PAX3: variants seen among roughly 807,000 people sequenced by gnomAD.
PAX3 encodes paired box protein Pax-3.
A neutral mutation model predicts 51.6 loss-of-function variants in PAX3; 14 were observed. That is an observed-to-expected ratio of 0.27 (90% confidence interval 0.18 to 0.42). The LOEUF is 0.42. PAX3 is among the 10% of genes least tolerant of loss of function. The pLI, the probability that PAX3 is intolerant of heterozygous loss-of-function variation, is 1.00. For missense variants in PAX3, 540 were observed against 642.8 expected (o/e 0.84, Z 1.73); for synonymous variants, 280 against 253.4 (o/e 1.11, Z -1.00).
chr2:222,230,567 T>C (rs188922655), intron 5 of PAX3, among the ~76,000 whole-genome samples: 1 of 151,960 alleles, frequency 6.6e-6, no homozygotes, highest in East Asian at 1.9e-4. Context: ...TATAATTTTT[T>C]AAAAAAAGGT....
intron 4 of PAX3, among the ~76,000 whole-genome samples, chr2:222,248,298 A>T (rs1189908120): frequency 6.6e-6 from 1 of 152,196 alleles, no homozygotes; most frequent in East Asian, 1.9e-4. Flanking sequence ...CCAGAATTTC[A>T]TGTGCTTGCC....
intron 4 of PAX3, among the ~76,000 whole-genome samples, chr2:222,240,970 GATTA>G (rs897496011): frequency 1.4e-4 from 21 of 152,232 alleles, no homozygotes; most frequent in African/African-American, 4.6e-4. Context: ...TAGGAAAACT[GATTA>G]ATTAATTAAT....
At chr2:222,232,403 A>G (rs1692631643) in intron 4 of PAX3, 120 bp from the exon 5 acceptor site, 1 of 814,096 alleles carries the variant, frequency 1.2e-6, no homozygotes, top group Non-Finnish European at 2.0e-6. Flanking sequence ...TACCTAAAGT[A>G]AAATAAATGT....
At chr2:222,293,921 G>A (rs1242810768) in intron 4 of PAX3, 2 of 1,438,420 alleles carry the variant, frequency 1.4e-6, no homozygotes, top group East Asian at 2.5e-5. Flanking sequence ...AGAATCCCAG[G>A]GGCTGAAAGT....
intron 4 of PAX3, among the ~76,000 whole-genome samples, chr2:222,249,635 C>CA (rs1483214649): frequency 2.0e-5 from 3 of 152,198 alleles, no homozygotes; most frequent in Non-Finnish European, 4.4e-5. Context: ...GCATAGTCTA[C>CA]AAAATCACAT....
At chr2:222,269,222 TCTC>T (rs1193421348) in intron 4 of PAX3, among the ~76,000 whole-genome samples, 1 of 152,154 alleles carries the variant, frequency 6.6e-6, no homozygotes, top group Non-Finnish European at 1.5e-5. Flanking sequence ...TCTTTGACCT[TCTC>T]CTGCCCATTT....
rs576759059 is a variant in PAX3 at position 222,238,036 on chromosome 2, T to G, written c.587-5753A>C. On this transcript the variant is annotated intron_variant, in intron 4 of 8. Transcript: ENST00000392070. Reference sequence around the variant, plus strand: ...GCTAATTTTAGATACAGGAGCCAAATTGTTAGTTATCCTAATCATCTCACA... The same window carrying G: ...GCTAATTTTAGATACAGGAGCCAAAGTGTTAGTTATCCTAATCATCTCACA... 7.9e-5 allele frequency among the ~76,000 whole-genome samples: 12 copies of G among 152,288 alleles called. No individual in the cohort carries two copies. In the South Asian group the frequency reaches 2.5e-3, roughly 32 times the overall value.
intron 7 of PAX3, among the ~76,000 whole-genome samples, chr2:222,217,525 T>C (rs1424223665): frequency 6.6e-6 from 1 of 152,094 alleles, no homozygotes; most frequent in Admixed American, 6.6e-5. Context: ...TGGGCCTCAG[T>C]TGGTTTTTCT....
At chr2:222,261,214 T>C (rs1172137627) in intron 4 of PAX3, among the ~76,000 whole-genome samples, 1 of 152,180 alleles carries the variant, frequency 6.6e-6, no homozygotes, top group Non-Finnish European at 1.5e-5. Context: ...TGCCAGGATA[T>C]CCACAGCCAC....
At chr2:222,223,365 A>G (rs1237476044) in intron 5 of PAX3, among the ~76,000 whole-genome samples, 1 of 152,206 alleles carries the variant, frequency 6.6e-6, no homozygotes, top group Non-Finnish European at 1.5e-5. Context: ...GTTTTACTTA[A>G]CTTAATAAAT....
chr2:222,229,808 C>T (rs1692518565), intron 5 of PAX3, among the ~76,000 whole-genome samples: 1 of 152,180 alleles, frequency 6.6e-6, no homozygotes, highest in African/African-American at 2.4e-5. Flanking sequence ...TGCCTCTGCT[C>T]ATATAATTCC....
At chr2:222,245,634 A>G (rs1174961484) in intron 4 of PAX3, among the ~76,000 whole-genome samples, 1 of 151,550 alleles carries the variant, frequency 6.6e-6, no homozygotes, top group Non-Finnish European at 1.5e-5. Context: ...GGAGGGGAGG[A>G]GAGAAGAGAA....
chr2:222,202,954 T>C (rs1691356808), intron 7 of PAX3, among the ~76,000 whole-genome samples: 1 of 140,968 alleles, frequency 7.1e-6, no homozygotes, highest in South Asian at 2.3e-4. Context: ...ATGTAAATGA[T>C]TCTCCAAGTA....
chr2:222,201,669 G>T, intron 8 of PAX3: 2 of 1,390,662 alleles, frequency 1.4e-6, no homozygotes, highest in Non-Finnish European at 1.9e-6. Flanking sequence ...TAATGTCAGG[G>T]ATTATTTCAT....
At chr2:222,251,969 A>G (rs1693450703) in intron 4 of PAX3, among the ~76,000 whole-genome samples, 1 of 152,218 alleles carries the variant, frequency 6.6e-6, no homozygotes, top group African/African-American at 2.4e-5. Context: ...GAGACAAAAC[A>G]ATACCTCCAA....
intron 4 of PAX3, among the ~76,000 whole-genome samples, chr2:222,292,931 T>G (rs1488254412): frequency 1.3e-5 from 2 of 152,242 alleles, no homozygotes; most frequent in African/African-American, 2.4e-5. Context: ...CTTCCAAATC[T>G]AAATGTTCCT....
chr2:222,289,780 T>C (rs573132846), intron 4 of PAX3, among the ~76,000 whole-genome samples: 1 of 152,344 alleles, frequency 6.6e-6, no homozygotes, highest in South Asian at 2.1e-4. Context: ...CATTAATAAA[T>C]AGAACACGGC....
chr2:222,298,649 G>T lies in PAX3; in HGVS notation c.-34C>A, dbSNP rs1282745586. 1.3e-6 allele frequency: 2 copies of T among 1,570,686 alleles called. No individual in the cohort carries two copies. Among genetic ancestry groups the T allele is most frequent in the African/African-American group, 1.4e-5 (1 of 74,046 alleles). ...CAGCTTCGCTCGGAAATTATATCCA[G>T]GTGAAGGCGAAACGGAAAGGCGAGT... On this transcript the variant is annotated 5_prime_UTR_variant, in exon 1 of 9. In the 5' UTR this introduces an upstream ATG that the reference lacks. Transcript: ENST00000392070.
chr2:222,225,589 T>C (rs1692354264), intron 5 of PAX3, among the ~76,000 whole-genome samples: 1 of 152,132 alleles, frequency 6.6e-6, no homozygotes, highest in Non-Finnish European at 1.5e-5. Context: ...AGGCAAAAGT[T>C]GAATCTCAGC....
Sources: gnomAD v4.1 joint callset for allele counts (sites outside exome capture counted in the v4.1 genomes callset) on GRCh38, gnomAD v4.1.1 for gene constraint, MANE v1.5 for transcripts, NCBI Gene and HGNC (gene_info 2026-07-23, HGNC 2026-07-21) for gene names.